The following F13B variants were observed in gnomAD, a reference collection of about 807,000 sequenced individuals.
F13B encodes coagulation factor XIII B chain.
Under a neutral mutation model 79.8 loss-of-function variants are expected in F13B, and 58 were observed. The observed-to-expected ratio is 0.73, with a 90% CI of 0.59 to 0.90. The LOEUF is 0.90. F13B is among the 40% of genes least tolerant of loss of function. The probability of loss-of-function intolerance (pLI) is 0.00; values close to 1 mark genes in which losing one functional copy is unlikely to be tolerated. For missense variants in F13B, 773 were observed against 777.0 expected (o/e 0.99, Z 0.06); for synonymous variants, 283 against 260.3 (o/e 1.09, Z -0.84).
intron 8 of F13B, among the ~76,000 whole-genome samples, chr1:197,053,131 T>C (rs1034044523): frequency 2.6e-5 from 4 of 152,208 alleles, no homozygotes; most frequent in Admixed American, 1.3e-4. Flanking sequence ...TAAAAACCTT[T>C]AACTACCATG....
chr1:197,050,210 T>C (rs976290053), intron 10 of F13B, among the ~76,000 whole-genome samples: 10 of 152,110 alleles, frequency 6.6e-5, no homozygotes, highest in Non-Finnish European at 1.2e-4. Flanking sequence ...TAAAAAATAT[T>C]TTCTTATTAT....
At chr1:197,048,563 C>T (rs1655325844) in intron 10 of F13B, among the ~76,000 whole-genome samples, 1 of 151,772 alleles carries the variant, frequency 6.6e-6, no homozygotes, top group Admixed American at 6.6e-5. Context: ...AATGCCAATA[C>T]ACCAAGATAC....
intron 10 of F13B, among the ~76,000 whole-genome samples, chr1:197,050,380 G>T (rs1206059366): frequency 2.0e-5 from 3 of 151,850 alleles, no homozygotes; most frequent in African/African-American, 7.3e-5. Flanking sequence ...TTTCCCTAAT[G>T]TTTTCTATTA....
intron 10 of F13B, among the ~76,000 whole-genome samples, chr1:197,048,001 G>C (rs1409528057): frequency 1.3e-5 from 2 of 152,046 alleles, no homozygotes; most frequent in Non-Finnish European, 1.5e-5. Context: ...TGGGGGTCTG[G>C]GGGAGGGATA....
chr1:197,050,046 T>G, intron 10 of F13B, among the ~76,000 whole-genome samples: 1 of 152,102 alleles, frequency 6.6e-6, no homozygotes, highest in Non-Finnish European at 1.5e-5. Flanking sequence ...TAAAAAAATA[T>G]TTATAACAAC....
In F13B at chr1:197,061,983, A is replaced by T. The variant is rs1285153594; in HGVS notation, c.266-14T>A. ...TAGTGCATTTTTCTATGGGAAAAAA[A>T]ATTATTTAACTTAATGATGAAACTA... On this transcript the variant is annotated splice_polypyrimidine_tract_variant and intron_variant, in intron 2 of 11. Coordinates refer to ENST00000367412, the MANE Select transcript of F13B (RefSeq NM_001994.3). 1 of 1,601,506 alleles carries T rather than the reference A, an allele frequency of 6.2e-7. No homozygotes were observed. The highest frequency in any genetic ancestry group is 1.1e-5 in the South Asian group (1 of 90,584).
Position 197,057,136 on chromosome 1 carries a change from G to A in F13B, c.1048C>T (p.His350Tyr). Residue 350 changes from histidine to tyrosine, a missense_variant, in exon 7 of 12, where the codon CAC becomes TAC. By Grantham distance (83) the His-to-Tyr change is moderately conservative (BLOSUM62 2). Coordinates refer to ENST00000367412, the MANE Select transcript of F13B (RefSeq NM_001994.3). ...PFIENGAANLHSKIYYNGDKV... is the reference protein window; with the variant it reads ...PFIENGAANLYSKIYYNGDKV... ...TCCCCATTGTAATAAATCTTAGAGT[G>A]TAAATTTGCTGCACCATTTTCAATG... The A allele has an allele frequency of 6.2e-7, 1 of 1,613,894 alleles. No homozygotes were observed. Among genetic ancestry groups the A allele is most frequent in the Non-Finnish European group, 8.5e-7 (1 of 1,179,924 alleles).
chr1:197,066,578 C>T (rs1443125481), intron 1 of F13B, among the ~76,000 whole-genome samples: 1 of 152,154 alleles, frequency 6.6e-6, no homozygotes, highest in African/African-American at 2.4e-5. Flanking sequence ...GTTGTCCAAA[C>T]AGTTATTAAT....
chr1:197,042,319 A>G (rs1655063992), intron 10 of F13B, among the ~76,000 whole-genome samples: 1 of 152,236 alleles, frequency 6.6e-6, no homozygotes, highest in Admixed American at 6.5e-5. Flanking sequence ...GTTCTACAGA[A>G]CATGAGATTT....
intron 5 of F13B, among the ~76,000 whole-genome samples, chr1:197,059,912 T>C (rs1259545771): frequency 2.0e-5 from 3 of 152,128 alleles, no homozygotes; most frequent in Non-Finnish European, 4.4e-5. Context: ...ATGACCTCTT[T>C]TCCCATTTTC....
Position 197,061,981 on chromosome 1 carries a change from A to AG in F13B, c.266-13_266-12insC. On this transcript the variant is annotated splice_polypyrimidine_tract_variant and intron_variant, in intron 2 of 11. Coordinates refer to ENST00000367412, the MANE Select transcript of F13B (RefSeq NM_001994.3). ...CTTAGTGCATTTTTCTATGGGAAAAAAAATTATTTAACTTAATGATGAAAC... is the reference window on the plus strand; with the variant it reads ...CTTAGTGCATTTTTCTATGGGAAAAAGAAATTATTTAACTTAATGATGAAAC... 1 of 1,602,872 alleles carries AG rather than the reference A, an allele frequency of 6.2e-7. No homozygotes were observed. The highest frequency in any genetic ancestry group is 2.2e-5 in the East Asian group (1 of 44,666).
At position 197,040,532 on chromosome 1, in the gene F13B, G is replaced by A. The variant is rs759996311; in HGVS notation, c.1942C>T (p.Pro648Ser). ...RGQLKYPRCI[P>S]RQSTLSYQEP... ...AAAAAAACTTCTTACCTTTGTCTTG[G>A]AATACATCTTGGATATTTTAACTGC... Residue 648 changes from proline (P) to serine (S), a missense_variant, in exon 11 of 12, where the codon CCA (proline) becomes TCA (serine). By Grantham distance (74) the Pro-to-Ser change is moderately conservative. Transcript: ENST00000367412. 6.2e-6 allele frequency: 10 copies of A among 1,609,796 alleles called. No individual in the cohort carries two copies. The South Asian group carries it at 1.1e-4, about 18-fold the overall frequency.
rs1187916707 is a variant in F13B, at chr1:197,057,040, T to A, written c.1144A>T (p.Lys382Ter). ...ACACACTCAGGAGGAAGTGTCCATT[T>A]TCCACGATTACAAGTTATCTCATTC... ...GSNEITCNRGKWTLPPECVEN... is the reference protein window; with the variant it reads ...GSNEITCNRG Residue 382 changes from lysine (K) to a stop codon, truncating the protein, a stop_gained, in exon 7 of 12, where the codon AAA becomes TAA. Transcript: ENST00000367412. LOFTEE classifies it high-confidence loss of function. The A allele has an allele frequency of 1.2e-6, 2 of 1,613,736 alleles. No homozygotes were observed. The highest frequency in any genetic ancestry group is 1.7e-6 in the Non-Finnish European group (2 of 1,179,866).
intron 1 of F13B, among the ~76,000 whole-genome samples, chr1:197,063,627 T>A (rs1453905633): frequency 6.6e-6 from 1 of 152,158 alleles, no homozygotes; most frequent in East Asian, 1.9e-4. Flanking sequence ...TGCCTGCACT[T>A]CCTAATAGAT....
intron 5 of F13B, among the ~76,000 whole-genome samples, chr1:197,058,434 G>A (rs749379459): frequency 5.9e-5 from 9 of 152,262 alleles, no homozygotes; most frequent in African/African-American, 1.9e-4. Flanking sequence ...AGTTTCACTG[G>A]ACTAAAATCG....
chr1:197,047,555 A>G (rs1259445198), intron 10 of F13B, among the ~76,000 whole-genome samples: 1 of 152,222 alleles, frequency 6.6e-6, no homozygotes, highest in Non-Finnish European at 1.5e-5. Context: ...AGTATGAACT[A>G]GTTCAATCAT....
Position 197,062,851 on chromosome 1 carries a change from A to C in F13B, c.265+6T>G. On this transcript the variant is annotated splice_donor_region_variant and intron_variant, in intron 2 of 11. Transcript: ENST00000367412. ...AAACATTGAGTGACATATCCAGCTG[A>C]CTTACTGAAGCACCTTGGCTCTGGA... The C allele has an allele frequency of 6.2e-7, 1 of 1,613,440 alleles. No homozygotes were observed. Among genetic ancestry groups the C allele is most frequent in the Non-Finnish European group, 8.5e-7 (1 of 1,179,492 alleles).
Position 197,043,361 on chromosome 1 carries a change from G to A in F13B, c.1739-2626C>T, listed in dbSNP as rs11587174. 5.1e-3 allele frequency among the ~76,000 whole-genome samples: 775 copies of A among 152,312 alleles called. 3 individuals carry two copies. The highest frequency in any genetic ancestry group is 7.4e-3 in the Non-Finnish European group (501 of 68,034). On this transcript the variant is annotated intron_variant, in intron 10 of 11. Transcript: ENST00000367412. ...CTAATCATCAGCCAGAGGATGAGAT[G>A]AGTCTTCTTTGGAGTAAGCTGACAT... is the stretch of plus-strand genomic sequence containing the variant.
intron 10 of F13B, among the ~76,000 whole-genome samples, chr1:197,048,478 C>A (rs1655321052): frequency 6.6e-6 from 1 of 151,432 alleles, no homozygotes; most frequent in African/African-American, 2.4e-5. Context: ...CCCCTTGGTG[C>A]AGCTAAAGGA....
Sources: gnomAD v4.1 joint callset for allele counts (sites outside exome capture counted in the v4.1 genomes callset) on GRCh38, gnomAD v4.1.1 for gene constraint, MANE v1.5 for transcripts, NCBI Gene and HGNC (gene_info 2026-07-23, HGNC 2026-07-21) for gene names.